Variants in SGCD observed in about 807,000 individuals in gnomAD.
SGCD encodes sarcoglycan delta.
Under a neutral mutation model 36.6 loss-of-function variants are expected in SGCD, and 18 were observed. The observed-to-expected ratio is 0.49, with a 90% CI of 0.34 to 0.73. The LOEUF (loss-of-function observed/expected upper bound fraction) is 0.73. SGCD is among the 30% of genes least tolerant of loss of function. The probability of loss-of-function intolerance (pLI) is 0.01; values close to 1 mark genes in which losing one functional copy is unlikely to be tolerated. For missense variants in SGCD, 387 were observed against 346.7 expected (o/e 1.12, Z -0.92); for synonymous variants, 133 against 130.6 (o/e 1.02, Z -0.12).
chr5:156,290,533 C>G (rs1362794317), intron 3 of SGCD, among the ~76,000 whole-genome samples: 1 of 152,136 alleles, frequency 6.6e-6, no homozygotes, highest in Non-Finnish European at 1.5e-5. Flanking sequence ...GGTAGGTTGG[C>G]AGTATCTGCC....
the SGCD span, among the ~76,000 whole-genome samples, chr5:155,790,016 A>C: frequency 6.6e-6 from 1 of 152,106 alleles, no homozygotes; most frequent in Admixed American, 6.6e-5. Flanking sequence ...TTCAGAGAGC[A>C]ATAAGGATCA....
chr5:155,975,925 C>T (rs112222682), intron 1 of SGCD, among the ~76,000 whole-genome samples: 9,766 of 151,826 alleles, frequency 0.064, 386 homozygotes, highest in African/African-American at 0.092. Context: ...CCACTGCGCT[C>T]GGCCATGTGT....
intron 4 of SGCD, among the ~76,000 whole-genome samples, chr5:156,580,770 C>G (rs1760220089): frequency 6.6e-6 from 1 of 152,182 alleles, no homozygotes; most frequent in African/African-American, 2.4e-5. Flanking sequence ...AAGCTCTTCT[C>G]TACACTATTT....
At chr5:155,976,562 A>G (rs565639679) in intron 1 of SGCD, among the ~76,000 whole-genome samples, 13 of 152,320 alleles carry the variant, frequency 8.5e-5, no homozygotes, top group African/African-American at 3.1e-4. Context: ...GAGTCTTTCA[A>G]ATAATCTCAC....
At chr5:156,571,051 A>C (rs573790629) in intron 4 of SGCD, among the ~76,000 whole-genome samples, 2 of 146,450 alleles carry the variant, frequency 1.4e-5, no homozygotes, top group African/African-American at 5.1e-5. Flanking sequence ...TTTTTGTTTC[A>C]TTTTGTTTTT....
At chr5:156,613,448 T>C (rs1263481007) in intron 6 of SGCD, among the ~76,000 whole-genome samples, 1 of 152,228 alleles carries the variant, frequency 6.6e-6, no homozygotes, top group Non-Finnish European at 1.5e-5. Flanking sequence ...ACAGCCCTTT[T>C]CACACATGTG....
intron 4 of SGCD, among the ~76,000 whole-genome samples, chr5:156,586,724 A>G (rs1473860172): frequency 6.6e-6 from 1 of 152,148 alleles, no homozygotes. Flanking sequence ...TGTCACTTTG[A>G]CATATCCCTA....
intron 1 of SGCD, among the ~76,000 whole-genome samples, chr5:156,084,253 G>A (rs1009524776): frequency 2.6e-5 from 4 of 152,098 alleles, no homozygotes; most frequent in African/African-American, 7.2e-5. Flanking sequence ...ATATAGGTAC[G>A]ACTTCTTTAA....
At chr5:156,545,381 A>T (rs1264385109) in intron 4 of SGCD, among the ~76,000 whole-genome samples, 1 of 151,960 alleles carries the variant, frequency 6.6e-6, no homozygotes, top group Non-Finnish European at 1.5e-5. Flanking sequence ...AAGCCTCGTA[A>T]GGGCTCAGTT....
At chr5:156,574,127 CT>C (rs1759831228) in intron 4 of SGCD, among the ~76,000 whole-genome samples, 1 of 152,184 alleles carries the variant, frequency 6.6e-6, no homozygotes, top group Non-Finnish European at 1.5e-5. Context: ...CTCCCCCATA[CT>C]TTATAGGTGG....
At chr5:156,235,310 A>G (rs1403580330) in intron 3 of SGCD, among the ~76,000 whole-genome samples, 2 of 152,228 alleles carry the variant, frequency 1.3e-5, no homozygotes, top group Non-Finnish European at 2.9e-5. Flanking sequence ...ATTCTGTTGA[A>G]TCATGTGACT....
At chr5:156,180,390 A>G (rs554117653) in intron 3 of SGCD, among the ~76,000 whole-genome samples, 6 of 142,378 alleles carry the variant, frequency 4.2e-5, no homozygotes, top group Non-Finnish European at 7.6e-5. Context: ...AAAATAAAAA[A>G]CATAAGAACT....
At chr5:155,785,458 AAT>A in the SGCD span, among the ~76,000 whole-genome samples, 11 of 152,074 alleles carry the variant, frequency 7.2e-5, no homozygotes, top group African/African-American at 2.7e-4. Context: ...CTAGCTGTGC[AAT>A]ATCTTATTGT....
At chr5:156,684,394 C>T (rs1226083705) in intron 7 of SGCD, among the ~76,000 whole-genome samples, 5 of 152,174 alleles carry the variant, frequency 3.3e-5, no homozygotes, top group Non-Finnish European at 5.9e-5. Context: ...TCTTTCACAC[C>T]TTGACCTCTG....
chr5:156,712,398 C>T (rs919534890), intron 7 of SGCD, among the ~76,000 whole-genome samples: 1 of 152,110 alleles, frequency 6.6e-6, no homozygotes, highest in South Asian at 2.1e-4. Context: ...GTGGCAGTCA[C>T]AAAACACTGT....
chr5:156,705,973 G>T (rs1754724047), intron 7 of SGCD, among the ~76,000 whole-genome samples: 1 of 152,058 alleles, frequency 6.6e-6, no homozygotes, highest in African/African-American at 2.4e-5. Context: ...CAACCACCTG[G>T]TATAATCATA....
chr5:156,440,566 G>A (rs1580996357), intron 3 of SGCD, among the ~76,000 whole-genome samples: 1 of 152,012 alleles, frequency 6.6e-6, no homozygotes, highest in East Asian at 1.9e-4. Flanking sequence ...TGTACTATTT[G>A]GCATCTCCAC....
intron 4 of SGCD, among the ~76,000 whole-genome samples, chr5:156,585,837 A>G (rs1365619642): frequency 2.6e-5 from 4 of 152,182 alleles, no homozygotes; most frequent in African/African-American, 9.7e-5. Context: ...AGAATTTTGC[A>G]GCCTAATACA....
chr5:156,355,399 C>A (rs1769445931), intron 3 of SGCD, among the ~76,000 whole-genome samples: 1 of 151,182 alleles, frequency 6.6e-6, no homozygotes, highest in African/African-American at 2.5e-5. Flanking sequence ...TTTTAATCAG[C>A]TTTGTACCTT....
Sources: allele counts gnomAD v4.1 joint callset (sites outside exome capture counted in the v4.1 genomes callset), GRCh38; gene constraint gnomAD v4.1.1; transcripts MANE v1.5; gene names NCBI Gene and HGNC (gene_info 2026-07-23, HGNC 2026-07-21).